The following FHIT variants were observed in gnomAD, a reference collection of about 807,000 sequenced individuals.
FHIT encodes the protein fragile histidine triad diadenosine triphosphatase.
FHIT carries 19 observed loss-of-function variants against 17.9 expected under a neutral mutation model. The ratio of observed to expected loss-of-function variants is 1.06; its 90% CI spans 0.74 to 1.56. The LOEUF is 1.56. Among genes scored for constraint, FHIT ranks in the 40% most tolerant of loss-of-function variants. The probability of loss-of-function intolerance (pLI) is 0.00; values close to 1 mark genes in which losing one functional copy is unlikely to be tolerated. For missense variants in FHIT, 248 were observed against 189.2 expected, an observed-to-expected ratio of 1.31 and a Z score of -1.82; for synonymous variants, 81 against 69.7, an observed-to-expected ratio of 1.16 and a Z score of -0.81.
chr3:60,177,751 G>T (rs1701744169), intron 5 of FHIT, among the ~76,000 whole-genome samples: 1 of 152,152 alleles, frequency 6.6e-6, no homozygotes, highest in Non-Finnish European at 1.5e-5. Flanking sequence ...TACCTTTCAG[G>T]TTCAGCTAAA....
At chr3:60,396,679 G>A (rs758542303) in intron 5 of FHIT, among the ~76,000 whole-genome samples, 3 of 152,170 alleles carry the variant, frequency 2.0e-5, no homozygotes, top group Non-Finnish European at 4.4e-5. Flanking sequence ...TAATAGGTAA[G>A]AGGTTTTACT....
At chr3:59,998,586 T>G (rs1699607648) in intron 7 of FHIT, among the ~76,000 whole-genome samples, 1 of 152,124 alleles carries the variant, frequency 6.6e-6, no homozygotes, top group Non-Finnish European at 1.5e-5. Flanking sequence ...TGAATTGATT[T>G]ATTTCTAAAT....
chr3:59,950,436 C>G (rs1707056896), intron 7 of FHIT, among the ~76,000 whole-genome samples: 1 of 152,192 alleles, frequency 6.6e-6, no homozygotes, highest in African/African-American at 2.4e-5. Context: ...GCAAATCCCC[C>G]TCCTCATCAA....
At chr3:61,203,252 G>A (rs181840691) in intron 1 of FHIT, among the ~76,000 whole-genome samples, 1 of 150,990 alleles carries the variant, frequency 6.6e-6, no homozygotes, top group East Asian at 1.9e-4. Flanking sequence ...AGGAGGCTGA[G>A]GCAGGAGAAT....
At chr3:60,361,697 C>CAG (rs762108441) in intron 5 of FHIT, among the ~76,000 whole-genome samples, 9 of 152,110 alleles carry the variant, frequency 5.9e-5, no homozygotes, top group Admixed American at 2.0e-4. Flanking sequence ...CCCCACTGGC[C>CAG]AGAGAGAGAG....
At chr3:59,817,652 C>A (rs1319280138) in intron 8 of FHIT, among the ~76,000 whole-genome samples, 1 of 151,222 alleles carries the variant, frequency 6.6e-6, no homozygotes, top group African/African-American at 2.4e-5. Context: ...AGTTCAGAAA[C>A]CATCCTCCAG....
At chr3:60,064,979 G>A (rs940682007) in intron 5 of FHIT, among the ~76,000 whole-genome samples, 3 of 152,140 alleles carry the variant, frequency 2.0e-5, no homozygotes, top group Non-Finnish European at 2.9e-5. Context: ...TAGCAAGTGG[G>A]AGGTGGCATT....
At chr3:60,131,252 TATA>T (rs1699585530) in intron 5 of FHIT, among the ~76,000 whole-genome samples, 1 of 152,002 alleles carries the variant, frequency 6.6e-6, no homozygotes, top group African/African-American at 2.4e-5. Context: ...CTAGATTACT[TATA>T]ATACCTAACA....
At chr3:59,941,291 G>A (rs1041057023) in intron 7 of FHIT, among the ~76,000 whole-genome samples, 6 of 152,156 alleles carry the variant, frequency 3.9e-5, no homozygotes, top group African/African-American at 1.4e-4. Context: ...GGGGCAGGAG[G>A]GTGGATCAGA....
chr3:60,797,020 T>C (rs1701006682), intron 4 of FHIT, among the ~76,000 whole-genome samples: 1 of 152,218 alleles, frequency 6.6e-6, no homozygotes, highest in African/African-American at 2.4e-5. Flanking sequence ...CTTTATTATT[T>C]GATATATTTT....
intron 5 of FHIT, among the ~76,000 whole-genome samples, chr3:60,380,696 A>G (rs1700762757): frequency 6.6e-6 from 1 of 152,130 alleles, no homozygotes; most frequent in Non-Finnish European, 1.5e-5. Context: ...ATCTTTTCAG[A>G]CCTATATTAA....
intron 8 of FHIT, among the ~76,000 whole-genome samples, chr3:59,907,471 G>C (rs180926515): frequency 6.6e-6 from 1 of 152,180 alleles, no homozygotes; most frequent in Non-Finnish European, 1.5e-5. Flanking sequence ...TTCATGCAGG[G>C]ATAAGGACAC....
intron 3 of FHIT, among the ~76,000 whole-genome samples, chr3:60,916,867 G>C (rs2107295765): frequency 6.6e-6 from 1 of 152,216 alleles, no homozygotes; most frequent in Middle Eastern, 3.4e-3. Flanking sequence ...GTGGAGATGG[G>C]AGTATTAAAA....
intron 3 of FHIT, among the ~76,000 whole-genome samples, chr3:60,897,630 G>C: frequency 6.6e-6 from 1 of 152,130 alleles, no homozygotes; most frequent in East Asian, 1.9e-4. Context: ...ATGTATGTAA[G>C]AAGAAAATCC....
chr3:60,593,490 C>G (rs1358330682), intron 4 of FHIT, among the ~76,000 whole-genome samples: 1 of 152,112 alleles, frequency 6.6e-6, no homozygotes, highest in Non-Finnish European at 1.5e-5. Flanking sequence ...CAGGATTTCA[C>G]CCCCTGCCCC....
chr3:59,813,697 A>T (rs1240867973), intron 8 of FHIT, among the ~76,000 whole-genome samples: 1 of 152,176 alleles, frequency 6.6e-6, no homozygotes, highest in African/African-American at 2.4e-5. Context: ...ATGGTTTTTT[A>T]GGGGTGAGGG....
chr3:60,763,876 T>C (rs1177638265), intron 4 of FHIT, among the ~76,000 whole-genome samples: 1 of 152,216 alleles, frequency 6.6e-6, no homozygotes, highest in Non-Finnish European at 1.5e-5. Context: ...GATAAAGATA[T>C]CCCTTCTGTC....
chr3:60,171,491 C>T (rs965148756), intron 5 of FHIT, among the ~76,000 whole-genome samples: 1 of 152,130 alleles, frequency 6.6e-6, no homozygotes. Context: ...TTGTGGGTGC[C>T]AACTGGATGC....
chr3:60,215,237 ATCCCAGCACGTTGGGAGGCC>A, intron 5 of FHIT, among the ~76,000 whole-genome samples: 1 of 152,280 alleles, frequency 6.6e-6, no homozygotes, highest in East Asian at 1.9e-4. Flanking sequence ...CACAGCTGTA[ATCCCAGCACGTTGGGAGGCC>A]AAGGCAAGTG....
Sources: allele counts gnomAD v4.1 joint callset (sites outside exome capture counted in the v4.1 genomes callset), GRCh38; gene constraint gnomAD v4.1.1; transcripts MANE v1.5; gene names NCBI Gene and HGNC (gene_info 2026-07-23, HGNC 2026-07-21).